AK7: variants seen among roughly 807,000 people sequenced by gnomAD.
AK7 encodes adenylate kinase 7.
A neutral mutation model predicts 96.6 loss-of-function variants in AK7; 78 were observed. The ratio of observed to expected loss-of-function variants is 0.81; its 90% CI spans 0.67 to 0.97. The LOEUF (loss-of-function observed/expected upper bound fraction) is 0.97. Ranked by LOEUF, AK7 falls within the 50% of genes least tolerant of loss-of-function variation. AK7 has a pLI of 0.00. For synonymous variants in AK7, 302 were observed against 317.2 expected, an observed-to-expected ratio of 0.95 and a Z score of 0.51; for missense variants, 855 against 887.9, an observed-to-expected ratio of 0.96 and a Z score of 0.47.
chr14:96,487,852 C>A, intron 17 of AK7: 1 of 221,788 alleles, frequency 4.5e-6, no homozygotes, highest in Non-Finnish European at 9.0e-6. Flanking sequence ...TGGTCAAACC[C>A]ATGTAAGATT....
rs899852409 is a variant in AK7, at chr14:96,427,138, G to A, written c.609+6206G>A. 6.6e-5 allele frequency among the ~76,000 whole-genome samples: 10 copies of A among 152,210 alleles called. No individual in the cohort carries two copies. In the East Asian group the frequency reaches 1.7e-3, roughly 27 times the overall value. ...TGCATGCCTGTAATCCCAGCTACTC[G>A]GGAGGCTGAGGCAGGAGAATCGTTT... On this transcript the variant is annotated intron_variant, in intron 5 of 17. Transcript: ENST00000267584.
rs77230817 is a variant in AK7, at chr14:96,397,971, C to T, written c.106-104C>T. 7.9e-4 allele frequency: 940 copies of T among 1,183,314 alleles called. 5 individuals are homozygous for T. In the African/African-American group the frequency reaches 0.013, roughly 16 times the overall value. The allele number at this position is 1,183,314 out of a possible 1,614,324, so 73.3% of individuals were successfully genotyped here. Reference sequence around the variant, plus strand: ...CAAAGCATTTGCTTTGCCTTGGTGGCACCCAGCAAGCACTCGGGAAAGGTA... The same window carrying T: ...CAAAGCATTTGCTTTGCCTTGGTGGTACCCAGCAAGCACTCGGGAAAGGTA... On this transcript the variant is annotated intron_variant, in intron 1 of 17. Transcript: ENST00000267584.
At chr14:96,483,321 G>T in intron 16 of AK7, 102 bp downstream of exon 16, 1 of 1,196,818 alleles carries the variant, frequency 8.4e-7, no homozygotes, top group Non-Finnish European at 1.2e-6. Flanking sequence ...CTGCTCTAGG[G>T]AAATGTCATG....
chr14:96,397,590 T>C (rs1326821093), intron 1 of AK7, among the ~76,000 whole-genome samples: 1 of 152,064 alleles, frequency 6.6e-6, no homozygotes, highest in Non-Finnish European at 1.5e-5. Flanking sequence ...TTTCACTCTT[T>C]AAAATGTTGC....
chr14:96,478,598 C>T lies in AK7; in HGVS notation c.1689C>T (p.Ile563=), dbSNP rs773469487. 2 of 1,614,096 alleles carry T rather than the reference C, an allele frequency of 1.2e-6. No individual in the cohort carries two copies. The highest frequency in any genetic ancestry group is 1.3e-5 in the African/African-American group (1 of 74,930). ...FLRALSNYRD[I]NIDDETVFNY... is the part of the protein sequence containing the mutation. ...GGGCTCTGAGCAACTACCGGGACAT[C>T]AATATCGACGATGAGACTGTCTTCA... The change falls in exon 15 of 18, where the codon ATC becomes ATT. Residue 563 remains isoleucine, a synonymous_variant. Transcript: ENST00000267584.
chr14:96,466,152 A>G (rs1894555773), intron 12 of AK7, among the ~76,000 whole-genome samples: 2 of 149,264 alleles, frequency 1.3e-5, no homozygotes, highest in Admixed American at 6.7e-5. Context: ...TGCAGCCCCT[A>G]TCTCCTGGAC....
At chr14:96,407,111 A>G (rs1344648430) in intron 3 of AK7, among the ~76,000 whole-genome samples, 1 of 152,266 alleles carries the variant, frequency 6.6e-6, no homozygotes, top group Non-Finnish European at 1.5e-5. Flanking sequence ...GAGAGAAAAT[A>G]TCTGCATATA....
Position 96,392,200 on chromosome 14 carries a change from C to T in AK7, c.46C>T (p.Arg16Trp), listed in dbSNP as rs144597609. The T allele has an allele frequency of 6.2e-7, 1 of 1,613,710 alleles. No individual in the cohort carries two copies. Among genetic ancestry groups the T allele is most frequent in the Non-Finnish European group, 8.5e-7 (1 of 1,179,670 alleles). The change falls in exon 1 of 18, where the codon CGG (arginine) becomes TGG (tryptophan). Residue 16 changes from arginine (R) to tryptophan (W), a missense_variant. Coordinates refer to ENST00000267584, the MANE Select transcript of AK7 (RefSeq NM_152327.5). Reference sequence around the variant, plus strand: ...TGCTGCTCTCACGGAGAAGGTTATCCGGACCCAGAGGGTGTTTATAAACCT... The same window carrying T: ...TGCTGCTCTCACGGAGAAGGTTATCTGGACCCAGAGGGTGTTTATAAACCT... ...ETAALTEKVIRTQRVFINLLD... is the reference protein window; with the variant it reads ...ETAALTEKVIWTQRVFINLLD...
Position 96,480,880 on chromosome 14 carries a change from G to A in AK7, c.1754-2119G>A, listed in dbSNP as rs146963623. Among the ~76,000 whole-genome samples, 332 of 152,334 alleles carry A rather than the reference G, an allele frequency of 2.2e-3. 2 individuals are homozygous for A. The highest frequency in any genetic ancestry group is 7.7e-3 in the African/African-American group (321 of 41,576). On this transcript the variant is annotated intron_variant, in intron 15 of 17. Coordinates refer to ENST00000267584, the MANE Select transcript of AK7 (RefSeq NM_152327.5). ...ATCCTAAGGATGGGAGATGGGGAGGGCGTCTCACAGCCAGGGATGCAGCCC... is the reference window on the plus strand; with the variant it reads ...ATCCTAAGGATGGGAGATGGGGAGGACGTCTCACAGCCAGGGATGCAGCCC...
chr14:96,413,129 G>T (rs1267108582), intron 4 of AK7, among the ~76,000 whole-genome samples: 2 of 152,178 alleles, frequency 1.3e-5, no homozygotes, highest in African/African-American at 4.8e-5. Context: ...AGTGAAAACT[G>T]GGATAGGCTG....
chr14:96,450,572 A>C (rs8017482), intron 9 of AK7, among the ~76,000 whole-genome samples: 14,896 of 78,690 alleles, frequency 0.19, 883 homozygotes, highest in South Asian at 0.31. Flanking sequence ...ATCACAACAA[A>C]AAAAAAAAAA....
chr14:96,408,429 C>G (rs1014891772), intron 3 of AK7, among the ~76,000 whole-genome samples: 2 of 152,200 alleles, frequency 1.3e-5, no homozygotes, highest in African/African-American at 4.8e-5. Flanking sequence ...GGGGGGAATT[C>G]AACAAAGCCC....
chr14:96,408,627 A>G (rs1182613532), intron 3 of AK7, among the ~76,000 whole-genome samples: 4 of 152,226 alleles, frequency 2.6e-5, no homozygotes, highest in Non-Finnish European at 4.4e-5. Flanking sequence ...TGAGACTGAA[A>G]TGCTTGGTTG....
chr14:96,470,481 T>G (rs528642073), intron 12 of AK7, among the ~76,000 whole-genome samples: 1 of 152,116 alleles, frequency 6.6e-6, no homozygotes, highest in Admixed American at 6.6e-5. Context: ...GTGATGGATA[T>G]TGTGGTGGAG....
intron 1 of AK7, among the ~76,000 whole-genome samples, chr14:96,395,800 A>ATTTTTTTTTT (rs1172936912): frequency 2.9e-5 from 2 of 69,018 alleles, no homozygotes; most frequent in African/African-American, 5.8e-5. Context: ...TTGATTTTGA[A>ATTTTTTTTTT]TTTTTTTTTT....
chr14:96,437,960 G>A (rs186036906), intron 6 of AK7, 45 bp downstream of exon 6: 8 of 1,547,428 alleles, frequency 5.2e-6, no homozygotes, highest in Admixed American at 3.4e-5. Context: ...AGTGTCTTAC[G>A]ATACAGATAC....
intron 12 of AK7, among the ~76,000 whole-genome samples, chr14:96,469,943 G>C (rs1021295605): frequency 6.6e-6 from 1 of 152,042 alleles, no homozygotes; most frequent in South Asian, 2.1e-4. Context: ...TTAGCCTCTC[G>C]AGTAGCTGGG....
intron 4 of AK7, among the ~76,000 whole-genome samples, chr14:96,412,447 C>T (rs1595381009): frequency 1.3e-5 from 2 of 151,462 alleles, no homozygotes; most frequent in Non-Finnish European, 2.9e-5. Flanking sequence ...AGGCTGGTCT[C>T]GAACTCCTGA....
chr14:96,418,984 G>A (rs1472675433), intron 4 of AK7, among the ~76,000 whole-genome samples: 1 of 152,054 alleles, frequency 6.6e-6, no homozygotes, highest in Non-Finnish European at 1.5e-5. Flanking sequence ...GCTCCAACAC[G>A]GATCTCTGAA....
Sources: allele counts gnomAD v4.1 joint callset (sites outside exome capture counted in the v4.1 genomes callset), GRCh38; gene constraint gnomAD v4.1.1; transcripts MANE v1.5; gene names NCBI Gene and HGNC (gene_info 2026-07-23, HGNC 2026-07-21).